Variants in PVT1 observed in about 807,000 individuals in gnomAD.
The protein encoded by PVT1 is Pvt1 oncogene.
intron 4 of PVT1, among the ~76,000 whole-genome samples, chr8:128,043,720 C>T (rs1046523050): frequency 4.6e-5 from 7 of 150,732 alleles, no homozygotes; most frequent in African/African-American, 1.7e-4. Context: ...TGTGTGTGTA[C>T]ACATACATTA....
At chr8:127,841,527 G>A (rs1196890417) in intron 2 of PVT1, among the ~76,000 whole-genome samples, 1 of 152,122 alleles carries the variant, frequency 6.6e-6, no homozygotes, top group Non-Finnish European at 1.5e-5. Flanking sequence ...GCCCACTTCA[G>A]CGAGATTATA....
At chr8:127,830,333 G>A (rs1814835525) in intron 2 of PVT1, among the ~76,000 whole-genome samples, 1 of 152,152 alleles carries the variant, frequency 6.6e-6, no homozygotes, top group Non-Finnish European at 1.5e-5. Context: ...AGCAGAAGTG[G>A]AGGGAGAGGT....
intron 2 of PVT1, among the ~76,000 whole-genome samples, chr8:127,808,419 G>A (rs1481744934): frequency 2.0e-5 from 3 of 152,134 alleles, no homozygotes; most frequent in African/African-American, 7.2e-5. Flanking sequence ...ATGTGTGAAG[G>A]CCCTGAGGCT....
At chr8:127,932,917 T>C (rs950813270) in intron 3 of PVT1, among the ~76,000 whole-genome samples, 1 of 152,202 alleles carries the variant, frequency 6.6e-6, no homozygotes, top group East Asian at 1.9e-4. Context: ...TTCTTAAGGA[T>C]TGTCAGGCAT....
chr8:127,927,267 C>G (rs1816141565), intron 3 of PVT1, among the ~76,000 whole-genome samples: 1 of 152,226 alleles, frequency 6.6e-6, no homozygotes, highest in African/African-American at 2.4e-5. Context: ...AGGGGACACC[C>G]TCTCCACACA....
intron 2 of PVT1, among the ~76,000 whole-genome samples, chr8:127,820,857 C>T (rs1356313922): frequency 6.6e-6 from 1 of 152,130 alleles, no homozygotes; most frequent in East Asian, 1.9e-4. Flanking sequence ...TACAGACATG[C>T]ACCACCATGC....
chr8:127,819,205 A>G lies in PVT1; in HGVS notation n.372+23134A>G, dbSNP rs568227932. Among the ~76,000 whole-genome samples the G allele has an allele frequency of 3.5e-4, 54 of 152,270 alleles. 1 individual carries two copies. In the South Asian group the frequency reaches 0.011, roughly 32 times the overall value. ...CTTTACAGTTGTAGAATCTCATAGT[A>G]CACGTTACTTTGGTTTTTCTCTTCC... On this transcript the variant is annotated intron_variant and non_coding_transcript_variant, in intron 2 of 10. Transcript: ENST00000651587.
At chr8:128,100,127 A>ATCCC (rs1448198997) in intron 6 of PVT1, among the ~76,000 whole-genome samples, 8 of 123,832 alleles carry the variant, frequency 6.5e-5, no homozygotes, top group East Asian at 2.3e-4. Flanking sequence ...TCCTCCCTCC[A>ATCCC]TCCCTCCCTC....
At chr8:127,830,396 A>C (rs1467820567) in intron 2 of PVT1, among the ~76,000 whole-genome samples, 1 of 151,114 alleles carries the variant, frequency 6.6e-6, no homozygotes, top group Non-Finnish European at 1.5e-5. Flanking sequence ...GGAGCTTGCT[A>C]TGTGGGGGTG....
chr8:128,041,672 T>C (rs555888414), intron 4 of PVT1, among the ~76,000 whole-genome samples: 86 of 151,444 alleles, frequency 5.7e-4, no homozygotes, highest in African/African-American at 2.1e-3. Context: ...GAGTGCGTGT[T>C]GTTCGTGTGT....
chr8:127,947,002 CA>C (rs2129918168), intron 3 of PVT1: 1 of 152,260 alleles, frequency 6.6e-6, no homozygotes, highest in Admixed American at 6.5e-5. Context: ...TATTGAAATG[CA>C]GACTTGTTGT....
intron 2 of PVT1, among the ~76,000 whole-genome samples, chr8:127,800,130 G>A (rs1049012917): frequency 6.6e-6 from 1 of 152,200 alleles, no homozygotes; most frequent in Admixed American, 6.5e-5. Flanking sequence ...AGAGCACTTA[G>A]CACAGAGGAA....
At chr8:128,026,271 T>C (rs150898702) in intron 4 of PVT1, among the ~76,000 whole-genome samples, 1 of 152,286 alleles carries the variant, frequency 6.6e-6, no homozygotes, top group East Asian at 1.9e-4. Flanking sequence ...CACTCTTGTT[T>C]TGTAGTTGTG....
At chr8:127,970,289 G>GTT (rs68010926) in intron 3 of PVT1, among the ~76,000 whole-genome samples, 1,139 of 49,068 alleles carry the variant, frequency 0.023, 404 homozygotes, top group African/African-American at 0.091. Context: ...GCCATGATTT[G>GTT]TTTTTTTTTT....
rs373315808 is a variant in PVT1 at position 127,852,912 on chromosome 8, A to G, written n.373-37677A>G. ...CTCTGTGGCGCCTTGCACTGGGTCCAGCTGACGTGGAGAGAGACTCAGGAA... is the reference window on the plus strand; with the variant it reads ...CTCTGTGGCGCCTTGCACTGGGTCCGGCTGACGTGGAGAGAGACTCAGGAA... On this transcript the variant is annotated intron_variant and non_coding_transcript_variant, in intron 2 of 10. Coordinates refer to ENST00000651587, the Ensembl canonical transcript of PVT1. 1.2e-4 allele frequency among the ~76,000 whole-genome samples: 19 copies of G among 152,328 alleles called. No homozygotes were observed. In the East Asian group the frequency reaches 1.9e-3, roughly 16 times the overall value.
chr8:127,996,724 C>T (rs930289480), intron 4 of PVT1: 4 of 152,294 alleles, frequency 2.6e-5, no homozygotes, highest in Admixed American at 6.5e-5. Flanking sequence ...CTTCAGCCGC[C>T]GCCCCCTGCT....
intron 2 of PVT1, among the ~76,000 whole-genome samples, chr8:127,832,216 G>A (rs4733797): frequency 0.68 from 102,850 of 151,968 alleles, 35,814 homozygotes; most frequent in African/African-American, 0.84. Context: ...TAGCTAGATT[G>A]TGAACCCAGT....
At chr8:127,896,661 A>T (rs1285452277) in intron 3 of PVT1, among the ~76,000 whole-genome samples, 1 of 151,516 alleles carries the variant, frequency 6.6e-6, no homozygotes, top group Non-Finnish European at 1.5e-5. Flanking sequence ...CATGTGCAGG[A>T]TGTGCAGGTT....
At chr8:127,957,142 C>G (rs1280695525) in intron 3 of PVT1, among the ~76,000 whole-genome samples, 1 of 152,148 alleles carries the variant, frequency 6.6e-6, no homozygotes, top group Non-Finnish European at 1.5e-5. Flanking sequence ...TTCAGAGATG[C>G]CAAGTCACTT....
Sources: gnomAD v4.1 joint callset for allele counts (sites outside exome capture counted in the v4.1 genomes callset) on GRCh38, gnomAD v4.1.1 for gene constraint, MANE v1.5 for transcripts, NCBI Gene and HGNC (gene_info 2026-07-23, HGNC 2026-07-21) for gene names.